The following MCF2 variants were observed in gnomAD, a reference collection of about 807,000 sequenced individuals.
The protein encoded by MCF2 is proto-oncogene DBL.
A neutral mutation model predicts 82.5 loss-of-function variants in MCF2; 44 were observed. The ratio of observed to expected loss-of-function variants is 0.53; its 90% CI spans 0.42 to 0.69. The LOEUF is 0.69. MCF2 is among the 30% of genes least tolerant of loss of function. MCF2 has a pLI of 0.00. For synonymous variants in MCF2, 217 were observed against 224.9 expected (o/e 0.96, Z 0.32); for missense variants, 623 against 663.1 (o/e 0.94, Z 0.66).
At chrX:139,626,383 A>G (rs1603292563) in intron 5 of MCF2, 76 bp from the exon 9 acceptor site, 2 of 658,029 alleles carry the variant, frequency 3.0e-6, no homozygotes, top group East Asian at 6.6e-5. Context: ...TGTGGTCTGG[A>G]CATTAAGAAT....
intron 24 of MCF2, 95 bp downstream of exon 28, chrX:139,584,971 C>G: frequency 3.7e-6 from 2 of 535,426 alleles, no homozygotes; most frequent in Non-Finnish European, 3.0e-6. Flanking sequence ...CTAATGGCCT[C>G]AAGGATGCTG....
rs181185129 is a variant in MCF2 at position 139,651,777 on chromosome X, G to A, written c.-33C>T. On this transcript the variant is annotated 5_prime_UTR_variant, in exon 2 of 28. Coordinates refer to the MCF2 transcript ENST00000414978. ...TGACTGATGTCCTTTATACGGAGGA[G>A]CAGATCGGTTTCTATGACAAACGAA... is the stretch of plus-strand genomic sequence containing the variant. 52 of 1,146,550 alleles carry A rather than the reference G, an allele frequency of 4.5e-5. No homozygotes were observed. The East Asian group carries it at 1.6e-3, about 34-fold the overall frequency. The allele number at this position is 1,146,550 out of a possible 1,213,427, so 94.5% of individuals were successfully genotyped here.
chrX:139,602,417 C>T lies in MCF2; in HGVS notation c.1825G>A (p.Ala609Thr), dbSNP rs202133857. 1.2e-4 allele frequency: 143 copies of T among 1,190,055 alleles called. No individual in the cohort carries two copies. The African/African-American group carries it at 1.5e-3, about 12-fold the overall frequency. The change falls in exon 16 of 25, where the codon GCA becomes ACA. Residue 609 changes from alanine (A) to threonine (T), a missense_variant. Transcript: ENST00000370576. ...AATAATTACTGTACCTGGAAAAATG[C>T]GCATTCTGAATACTTCCTCCAAATT...
intron 6 of MCF2, among the ~76,000 whole-genome samples, chrX:139,621,447 C>T (rs1932348828): frequency 9.0e-6 from 1 of 111,579 alleles, no homozygotes; most frequent in Non-Finnish European, 1.9e-5. Context: ...ACAAACTATG[C>T]ATCTGACAAA....
intron 1 of MCF2, among the ~76,000 whole-genome samples, chrX:139,664,538 T>C (rs1360525194): frequency 1.8e-5 from 2 of 111,451 alleles, no homozygotes; most frequent in African/African-American, 3.3e-5. Context: ...TGGTGAATGT[T>C]GCCATGCCTG....
At chrX:139,614,781 T>G in intron 10 of MCF2, 100 bp downstream of exon 13, 1 of 805,118 alleles carries the variant, frequency 1.2e-6, no homozygotes, top group East Asian at 3.2e-5. Flanking sequence ...AGTGAAATTT[T>G]CATCTATCCG....
rs1165403476 is a variant in MCF2 at position 139,583,592 on chromosome X, A to T, written c.2746-1089T>A. Among the ~76,000 whole-genome samples, 3 of 111,016 alleles carry T rather than the reference A, an allele frequency of 2.7e-5. No homozygotes were observed. In the Admixed American group the frequency reaches 2.9e-4, roughly 11 times the overall value. On this transcript the variant is annotated intron_variant, in intron 24 of 24. Coordinates refer to ENST00000370576, the Ensembl canonical transcript of MCF2. ...AAGATGGGCACAATGAACACTGGGG[A>T]CTACTAGAGGGAGGAAAGAGGGTTG...
Position 139,619,585 on chromosome X carries a change from A to T in MCF2, c.807+2T>A, listed in dbSNP as rs773083318. ...TAGCAGACATCTAAAATACAATCTT[A>T]CCTGAGAATTTTCATCTAAGTTTTC... On this transcript the variant is annotated splice_donor_variant, in intron 7 of 24. Transcript: ENST00000370576. LOFTEE classifies it high-confidence loss of function. The T allele has an allele frequency of 8.7e-7, 1 of 1,143,249 alleles. No individual in the cohort carries two copies. The highest frequency in any genetic ancestry group is 1.2e-6 in the Non-Finnish European group (1 of 841,573). 94.2% of individuals were successfully genotyped at this position (1,143,249 alleles called of 1,213,427 possible).
At chrX:139,590,432 G>A (rs1193281116) in intron 19 of MCF2, among the ~76,000 whole-genome samples, 4 of 109,377 alleles carry the variant, frequency 3.7e-5, no homozygotes, top group Non-Finnish European at 7.6e-5. Context: ...AGGTACACAA[G>A]GATCTCTCTA....
At chrX:139,685,132 T>C (rs1297580030) in intron 1 of MCF2, among the ~76,000 whole-genome samples, 1 of 110,982 alleles carries the variant, frequency 9.0e-6, no homozygotes, top group Admixed American at 9.6e-5. Context: ...CTATTCAACA[T>C]AGTACTAGAA....
At chrX:139,651,612 T>C in intron 2 of MCF2, 108 bp downstream of exon 2, 2 of 416,397 alleles carry the variant, frequency 4.8e-6, no homozygotes, top group South Asian at 6.2e-5. Context: ...AATGAATATA[T>C]ATAATAGCTC....
intron 6 of MCF2, among the ~76,000 whole-genome samples, chrX:139,621,844 G>A (rs1187256754): frequency 1.5e-3 from 164 of 110,413 alleles, no homozygotes; most frequent in Non-Finnish European, 2.4e-3. Context: ...CTAAAACACC[G>A]AAAGCAATGG....
intron 2 of MCF2, among the ~76,000 whole-genome samples, chrX:139,651,197 ATTTAT>A (rs1933998199): frequency 1.8e-5 from 2 of 111,380 alleles, no homozygotes; most frequent in South Asian, 7.4e-4. Flanking sequence ...TGTATGTTAA[ATTTAT>A]TTTACCATAA....
At chrX:139,632,157 G>T (rs749091216) in intron 2 of MCF2, among the ~76,000 whole-genome samples, 178 bp downstream of exon 5, 66 of 110,640 alleles carry the variant, frequency 6.0e-4, no homozygotes, top group African/African-American at 2.1e-3. Context: ...TTGATGAATC[G>T]ATTTCTTTTT....
intron 4 of MCF2, among the ~76,000 whole-genome samples, chrX:139,628,897 G>A (rs1169745867): frequency 9.0e-6 from 1 of 111,263 alleles, no homozygotes; most frequent in Non-Finnish European, 1.9e-5. Flanking sequence ...GCAACCCCTG[G>A]TCTACTGTAG....
Position 139,638,485 on chromosome X carries a change from G to A in MCF2, c.51+3983C>T, listed in dbSNP as rs146824528. Among the ~76,000 whole-genome samples, 828 of 111,264 alleles carry A rather than the reference G, an allele frequency of 7.4e-3. 5 individuals are homozygous for A. Among genetic ancestry groups the A allele is most frequent in the Non-Finnish European group, 9.7e-3 (513 of 53,090 alleles). Reference sequence around the variant, plus strand: ...GACGAGGAGCAACAGGAAGTGGTGGGGACCATGGTGAACTGGAGAACATTC... The same window carrying A: ...GACGAGGAGCAACAGGAAGTGGTGGAGACCATGGTGAACTGGAGAACATTC... On this transcript the variant is annotated intron_variant, in intron 1 of 24. Coordinates refer to ENST00000370576, the Ensembl canonical transcript of MCF2.
At chrX:139,681,503 T>A (rs755356321) in intron 1 of MCF2, among the ~76,000 whole-genome samples, 2 of 112,540 alleles carry the variant, frequency 1.8e-5, no homozygotes, top group African/African-American at 6.4e-5. Context: ...AGGGAAATTT[T>A]AAAATATCTT....
Position 139,589,943 on chromosome X carries a change from C to CA in MCF2, c.2278-17dup. ...CTTCATCCATCTATAATAAATAAGT[C>CA]AAAATTTTCATGAGCATTTTATTTT... On this transcript the variant is annotated splice_polypyrimidine_tract_variant and intron_variant, in intron 19 of 24. Coordinates refer to ENST00000370576, the Ensembl canonical transcript of MCF2. 1.0e-6 allele frequency: 1 copy of CA among 984,435 alleles called. No individual in the cohort carries two copies. 81.1% of individuals were successfully genotyped at this position (984,435 alleles called of 1,213,427 possible). A position where few individuals can be genotyped will look rare whatever the true frequency, so the allele number is the denominator to read the frequency against.
At chrX:139,703,513 G>A (rs1324730263) in intron 1 of MCF2, among the ~76,000 whole-genome samples, 1 of 111,818 alleles carries the variant, frequency 8.9e-6, no homozygotes, top group Non-Finnish European at 1.9e-5. Context: ...GAGGAGGGGT[G>A]TCACCTGAGG....
Sources: allele counts gnomAD v4.1 joint callset (sites outside exome capture counted in the v4.1 genomes callset), GRCh38; gene constraint gnomAD v4.1.1; transcripts MANE v1.5; gene names NCBI Gene and HGNC (gene_info 2026-07-23, HGNC 2026-07-21).